CDH13: variants seen among roughly 807,000 people sequenced by gnomAD.
The protein encoded by CDH13 is cadherin 13.
A neutral mutation model predicts 63.8 loss-of-function variants in CDH13; 24 were observed. That is an observed-to-expected ratio of 0.38 (90% CI 0.27 to 0.53). The LOEUF is 0.53. CDH13 is among the 20% of genes least tolerant of loss of function. The pLI is 0.85. For synonymous variants in CDH13, 503 were observed against 355.3 expected (o/e 1.42, Z -4.67); for missense variants, 1,049 against 903.1 (o/e 1.16, Z -2.07).
intron 7 of CDH13, among the ~76,000 whole-genome samples, chr16:83,492,716 G>T (rs1567709865): frequency 6.6e-6 from 1 of 152,190 alleles, no homozygotes; most frequent in South Asian, 2.1e-4. Flanking sequence ...TTCCATGAGT[G>T]CAGGCCTCCT....
At chr16:83,365,356 C>T (rs2091238958) in intron 6 of CDH13, among the ~76,000 whole-genome samples, 1 of 152,226 alleles carries the variant, frequency 6.6e-6, no homozygotes, top group East Asian at 1.9e-4. Flanking sequence ...AGGCCCACCA[C>T]ATTAGGAAGG....
At chr16:82,897,466 G>T (rs1389218104) in intron 2 of CDH13, among the ~76,000 whole-genome samples, 1 of 152,168 alleles carries the variant, frequency 6.6e-6, no homozygotes, top group Non-Finnish European at 1.5e-5. Flanking sequence ...CCTCACTTTT[G>T]GCTCTCTCAG....
intron 2 of CDH13, among the ~76,000 whole-genome samples, chr16:83,030,730 C>G (rs1016397421): frequency 6.6e-6 from 1 of 150,502 alleles, no homozygotes; most frequent in African/African-American, 2.5e-5. Context: ...AAGCAGAGCA[C>G]ACACCTGATC....
intron 5 of CDH13, among the ~76,000 whole-genome samples, chr16:83,275,858 C>A (rs1228855211): frequency 1.3e-5 from 2 of 152,166 alleles, no homozygotes; most frequent in African/African-American, 4.8e-5. Flanking sequence ...GGAAGGGTCA[C>A]AAATGAGCCA....
At chr16:82,728,233 C>T (rs1445116517) in intron 1 of CDH13, among the ~76,000 whole-genome samples, 1 of 152,136 alleles carries the variant, frequency 6.6e-6, no homozygotes, top group South Asian at 2.1e-4. Context: ...TTCTCAGATG[C>T]AATCCTTCAA....
chr16:83,178,861 C>A (rs2038233887), intron 4 of CDH13, among the ~76,000 whole-genome samples: 1 of 152,070 alleles, frequency 6.6e-6, no homozygotes, highest in African/African-American at 2.4e-5. Flanking sequence ...TTGAATCCTC[C>A]CAGTGTTTGG....
chr16:83,226,362 C>G lies in CDH13; in HGVS notation c.636+8865C>G, dbSNP rs78983958. 6.9e-3 allele frequency among the ~76,000 whole-genome samples: 1,053 copies of G among 152,272 alleles called. 15 individuals carry two copies. The highest frequency in any genetic ancestry group is 0.024 in the African/African-American group (985 of 41,550). On this transcript the variant is annotated intron_variant, in intron 5 of 13. Transcript: ENST00000567109. ...AGCAAAGCTGCTTCCTCACTCAGGG[C>G]TATGGAAACATATTTTTCTCTGAAC...
chr16:83,625,109 A>G (rs147846880), intron 8 of CDH13, among the ~76,000 whole-genome samples: 59 of 152,174 alleles, frequency 3.9e-4, no homozygotes, highest in African/African-American at 1.4e-3. Flanking sequence ...ATTTACCAGC[A>G]CAATACTGTG....
intron 4 of CDH13, among the ~76,000 whole-genome samples, chr16:83,147,447 T>C (rs770745888): frequency 2.0e-5 from 3 of 152,156 alleles, no homozygotes; most frequent in African/African-American, 7.2e-5. Context: ...ATGACGTAAA[T>C]TCCAAGCTTC....
chr16:83,114,581 A>T (rs751268501), intron 3 of CDH13, among the ~76,000 whole-genome samples: 4 of 152,238 alleles, frequency 2.6e-5, no homozygotes, highest in Non-Finnish European at 5.9e-5. Flanking sequence ...TTTTATTATC[A>T]GCATAATTCT....
intron 7 of CDH13, among the ~76,000 whole-genome samples, chr16:83,575,849 C>T (rs1245834799): frequency 6.6e-6 from 1 of 152,188 alleles, no homozygotes; most frequent in East Asian, 1.9e-4. Flanking sequence ...TGTGTAAGAG[C>T]AAGGTCCAGG....
intron 6 of CDH13, among the ~76,000 whole-genome samples, chr16:83,477,766 T>A (rs1192927958): frequency 6.6e-6 from 1 of 152,176 alleles, no homozygotes; most frequent in East Asian, 1.9e-4. Flanking sequence ...CAAAAGCTGG[T>A]GGGCCTCAGA....
chr16:83,692,334 G>A (rs1384670415), intron 10 of CDH13, among the ~76,000 whole-genome samples: 1 of 152,190 alleles, frequency 6.6e-6, no homozygotes, highest in African/African-American at 2.4e-5. Context: ...TTGCTCCCTG[G>A]ACTCAAGGTT....
chr16:83,033,748 C>T (rs993150841), intron 3 of CDH13, among the ~76,000 whole-genome samples: 1 of 152,174 alleles, frequency 6.6e-6, no homozygotes. Flanking sequence ...CTGACTCCTG[C>T]CTTCTTCACC....
intron 6 of CDH13, among the ~76,000 whole-genome samples, chr16:83,356,913 C>T (rs527575482): frequency 1.3e-5 from 2 of 152,274 alleles, no homozygotes; most frequent in African/African-American, 4.8e-5. Flanking sequence ...AAGACTGGCT[C>T]TTTTCAAAGA....
intron 8 of CDH13, among the ~76,000 whole-genome samples, chr16:83,659,635 T>G (rs1466821275): frequency 6.6e-6 from 1 of 152,176 alleles, no homozygotes; most frequent in Non-Finnish European, 1.5e-5. Flanking sequence ...GTGGGTTTGT[T>G]TTAAGGCTTT....
At chr16:83,303,201 C>T (rs1161115949) in intron 5 of CDH13, among the ~76,000 whole-genome samples, 1 of 152,126 alleles carries the variant, frequency 6.6e-6, no homozygotes, top group East Asian at 1.9e-4. Context: ...CTTCACCTTC[C>T]GAAGGTTCAC....
At position 82,886,541 on chromosome 16, in the gene CDH13, C is replaced by T. The variant is rs372757828; in HGVS notation, c.157+28068C>T. On this transcript the variant is annotated intron_variant, in intron 2 of 13. Coordinates refer to ENST00000567109, the MANE Select transcript of CDH13 (RefSeq NM_001257.5). ...ATTCATTTCTGTTTCTTAAAATTATCAACTTAGAATATTTGTGCAATTTTT... is the reference window on the plus strand; with the variant it reads ...ATTCATTTCTGTTTCTTAAAATTATTAACTTAGAATATTTGTGCAATTTTT... 2.1e-5 allele frequency among the ~76,000 whole-genome samples: 3 copies of T among 145,820 alleles called. No individual in the cohort carries two copies. The South Asian group carries it at 6.8e-4, about 33-fold the overall frequency.
intron 1 of CDH13, among the ~76,000 whole-genome samples, chr16:82,806,015 A>C: frequency 6.6e-6 from 1 of 152,132 alleles, no homozygotes; most frequent in Non-Finnish European, 1.5e-5. Context: ...TTGAGCTTAC[A>C]AGGCACATGG....
Sources: gnomAD v4.1 joint callset for allele counts (sites outside exome capture counted in the v4.1 genomes callset) on GRCh38, gnomAD v4.1.1 for gene constraint, MANE v1.5 for transcripts, NCBI Gene and HGNC (gene_info 2026-07-23, HGNC 2026-07-21) for gene names.